PTGR2: variants seen among roughly 807,000 people sequenced by gnomAD.
PTGR2 encodes the protein prostaglandin reductase 2, also known as 15-oxoprostaglandin 13-reductase.
PTGR2 carries 32 observed loss-of-function variants against 43.4 expected under a neutral mutation model. That is an observed-to-expected ratio of 0.74 (90% CI 0.56 to 0.99). PTGR2 has a LOEUF of 0.99. Among genes scored for constraint, PTGR2 ranks in the 50% least tolerant of loss-of-function variants. The pLI is 0.00. For missense variants in PTGR2, 373 were observed against 420.0 expected (o/e 0.89, Z 0.98); for synonymous variants, 106 against 139.2 (o/e 0.76, Z 1.68).
At chr14:73,860,435 C>A in intron 2 of PTGR2, 104 bp from the exon 3 acceptor site, 1 of 571,184 alleles carries the variant, frequency 1.8e-6, no homozygotes. Flanking sequence ...CCACTGCATT[C>A]CAGCCTGGGT....
chr14:73,878,645 T>C, intron 5 of PTGR2: 1 of 482,154 alleles, frequency 2.1e-6, no homozygotes, highest in Middle Eastern at 7.0e-4. Context: ...CATGCCCAGC[T>C]GGAGTGGATG....
Position 73,881,233 on chromosome 14 carries a change from G to A in PTGR2, c.880G>A (p.Asp294Asn). Residue 294 changes from aspartate (D) to asparagine (N), a missense_variant, in exon 8 of 10, where the codon GAC (aspartate) becomes AAC (asparagine). Physicochemically the swap from Asp to Asn is conservative, Grantham distance 23. Transcript: ENST00000555661. Reference protein sequence around the residue: ...RERFLVLNYKDKFEPGILQLS... With the variant: ...RERFLVLNYKNKFEPGILQLS... Reference sequence around the variant, plus strand: ...AAGATTTCTGGTATTAAATTATAAAGACAAATTTGAGCCTGGCATTCTACA... The same window carrying A: ...AAGATTTCTGGTATTAAATTATAAAAACAAATTTGAGCCTGGCATTCTACA... 6.2e-7 allele frequency: 1 copy of A among 1,609,670 alleles called. No homozygotes were observed. The highest frequency in any genetic ancestry group is 8.5e-7 in the Non-Finnish European group (1 of 1,176,228).
intron 9 of PTGR2, among the ~76,000 whole-genome samples, chr14:73,882,847 G>A (rs1328092418): frequency 1.1e-5 from 1 of 92,640 alleles, no homozygotes; most frequent in Non-Finnish European, 2.0e-5. Flanking sequence ...TTGAGACGGA[G>A]TCTTGCTCTG....
Position 73,885,645 on chromosome 14 carries a change from T to C in PTGR2, c.*1468T>C, listed in dbSNP as rs910439896. 2.6e-5 allele frequency: 4 copies of C among 152,266 alleles called. No homozygotes were observed. Among genetic ancestry groups the C allele is most frequent in the African/African-American group, 9.6e-5 (4 of 41,458 alleles). 9.4% of individuals were successfully genotyped at this position (152,266 alleles called of 1,614,324 possible). A position where few individuals can be genotyped will look rare whatever the true frequency, so the allele number is the denominator to read the frequency against. ...GGTTTCACTTTTCTCTGTATGTTGC[T>C]AACTCCCAAATCTCCATCTGTATTT... On this transcript the variant is annotated 3_prime_UTR_variant, in exon 10 of 10. Coordinates refer to ENST00000555661, the MANE Select transcript of PTGR2 (RefSeq NM_001146154.2).
At position 73,880,148 on chromosome 14, in the gene PTGR2, G is replaced by A. The variant is rs1322104775; in HGVS notation, c.823G>A (p.Ala275Thr). 3 of 1,613,794 alleles carry A rather than the reference G, an allele frequency of 1.9e-6. No individual in the cohort carries two copies. The highest frequency in any genetic ancestry group is 1.7e-6 in the Non-Finnish European group (2 of 1,179,902). ...YPPPLSPAIE[A>T]IQKERNITRE... ...TCCCCCGCTATCCCCTGCTATAGAG[G>A]CAATCCAGAAAGAAAGAAACATCAC... Residue 275 changes from alanine to threonine, a missense_variant, in exon 7 of 10, where the codon GCA becomes ACA. Ala to Thr is a moderately conservative substitution (Grantham distance 58, BLOSUM62 0). Transcript: ENST00000555661.
chr14:73,884,241 T>G lies in PTGR2; in HGVS notation c.*64T>G, dbSNP rs2140282345. 9.4e-7 allele frequency: 1 copy of G among 1,067,362 alleles called. No homozygotes were observed. The highest frequency in any genetic ancestry group is 1.4e-6 in the Non-Finnish European group (1 of 706,964). The allele number at this position is 1,067,362 out of a possible 1,614,324, so 66.1% of individuals were successfully genotyped here. A position where few individuals can be genotyped will look rare whatever the true frequency, so the allele number is the denominator to read the frequency against. On this transcript the variant is annotated 3_prime_UTR_variant, in exon 10 of 10. Coordinates refer to ENST00000555661, the MANE Select transcript of PTGR2 (RefSeq NM_001146154.2). ...TCCATTTTGCATATTTTCAAAGATATGTTAAAAAATCCTTAGACTATACAT... is the reference window on the plus strand; with the variant it reads ...TCCATTTTGCATATTTTCAAAGATAGGTTAAAAAATCCTTAGACTATACAT...
In PTGR2 at chr14:73,877,117, G is replaced by C; in HGVS notation, c.468G>C (p.Lys156Asn). ...GTCATATAACTGCTGGATCTAATAAGACAATGGTTGTCAGTGGGGCCGCAG... is the reference window on the plus strand; with the variant it reads ...GTCATATAACTGCTGGATCTAATAACACAATGGTTGTCAGTGGGGCCGCAG... ...EKGHITAGSN[K>N]TMVVSGAAGA... The change falls in exon 5 of 10, where the codon AAG becomes AAC. Residue 156 changes from lysine to asparagine, a missense_variant. Transcript: ENST00000555661. 6.2e-7 allele frequency: 1 copy of C among 1,614,128 alleles called. No homozygotes were observed. The highest frequency in any genetic ancestry group is 8.5e-7 in the Non-Finnish European group (1 of 1,179,994).
Position 73,858,894 on chromosome 14 carries a change from G to C in PTGR2, c.32G>C (p.Arg11Pro), listed in dbSNP as rs548709026. MIVQRVVLNS[R>P]PGKNGNPVAE... ...GTTCAAAGAGTGGTATTGAATTCTC[G>C]ACCTGGTATGTATTTGCGATGAATG... is the stretch of plus-strand genomic sequence containing the variant. Residue 11 changes from arginine (R) to proline (P), a missense_variant, in exon 2 of 10, where the codon CGA becomes CCA. By Grantham distance (103) the Arg-to-Pro change is moderately radical. Transcript: ENST00000555661. The C allele has an allele frequency of 2.5e-5, 40 of 1,610,782 alleles. No homozygotes were observed. The East Asian group carries it at 3.1e-4, about 13-fold the overall frequency.
At chr14:73,867,642 A>T (rs1274624043) in intron 3 of PTGR2, among the ~76,000 whole-genome samples, 1 of 152,196 alleles carries the variant, frequency 6.6e-6, no homozygotes, top group Non-Finnish European at 1.5e-5. Flanking sequence ...CCTCCAGGGA[A>T]GTAAATATTT....
intron 4 of PTGR2, among the ~76,000 whole-genome samples, chr14:73,875,584 T>C (rs1670697841): frequency 6.6e-6 from 1 of 151,964 alleles, no homozygotes; most frequent in South Asian, 2.1e-4. Context: ...GACCTCATGA[T>C]CCACCCGCCT....
At chr14:73,876,436 G>T (rs1042093164) in intron 4 of PTGR2, among the ~76,000 whole-genome samples, 1 of 150,284 alleles carries the variant, frequency 6.7e-6, no homozygotes, top group African/African-American at 2.4e-5. Context: ...CTCTGTGGGT[G>T]TGCAGAGAGA....
intron 4 of PTGR2, among the ~76,000 whole-genome samples, chr14:73,876,045 T>A (rs2054856447): frequency 6.6e-6 from 1 of 150,484 alleles, no homozygotes; most frequent in Non-Finnish European, 1.5e-5. Context: ...GGTCTTGAAC[T>A]CCTGACCACA....
chr14:73,862,027 A>T (rs1595351226), intron 3 of PTGR2, among the ~76,000 whole-genome samples: 1 of 151,072 alleles, frequency 6.6e-6, no homozygotes, highest in Non-Finnish European at 1.5e-5. Flanking sequence ...GCAGTCGTAC[A>T]CCACCACACC....
At chr14:73,872,811 T>C (rs1196670183) in intron 3 of PTGR2, among the ~76,000 whole-genome samples, 1 of 151,704 alleles carries the variant, frequency 6.6e-6, no homozygotes, top group East Asian at 1.9e-4. Context: ...ACTCCGTCTC[T>C]ACTAAAAATA....
intron 1 of PTGR2, among the ~76,000 whole-genome samples, chr14:73,857,117 CAG>C (rs143781299): frequency 0.011 from 1,691 of 152,008 alleles, 11 homozygotes; most frequent in Non-Finnish European, 0.018. Context: ...AAAAACAAAA[CAG>C]AATAAACTGA....
At chr14:73,873,652 TG>T (rs535279579) in intron 3 of PTGR2, among the ~76,000 whole-genome samples, 88 of 152,032 alleles carry the variant, frequency 5.8e-4, no homozygotes, top group African/African-American at 2.0e-3. Context: ...TTTGCAGAGA[TG>T]GGGTTTCACC....
intron 3 of PTGR2, among the ~76,000 whole-genome samples, chr14:73,873,401 ATTG>A (rs2054782205): frequency 6.6e-6 from 1 of 152,026 alleles, no homozygotes; most frequent in Non-Finnish European, 1.5e-5. Context: ...TCACATACTT[ATTG>A]TTTGTGGTGA....
chr14:73,871,341 C>CTTTTTTTTTTTTTTTTTTTTTTTTTAT (rs2054723690), intron 3 of PTGR2, among the ~76,000 whole-genome samples: 1 of 67,878 alleles, frequency 1.5e-5, no homozygotes, highest in African/African-American at 6.0e-5. Flanking sequence ...GGCTGTTCAT[C>CTTTTTTTTTTTTTTTTTTTTTTTTTAT]TTTTTTTTTT....
At chr14:73,858,269 C>G (rs1267829117) in intron 1 of PTGR2, 1 of 150,834 alleles carries the variant, frequency 6.6e-6, no homozygotes, top group Non-Finnish European at 1.5e-5. Flanking sequence ...TCTTGCCCCA[C>G]TAGGGCCGGG....
Sources: allele counts gnomAD v4.1 joint callset (sites outside exome capture counted in the v4.1 genomes callset), GRCh38; gene constraint gnomAD v4.1.1; transcripts MANE v1.5; gene names NCBI Gene and HGNC (gene_info 2026-07-23, HGNC 2026-07-21).